Variants in FAT4 observed in about 807,000 individuals in gnomAD.
FAT4 encodes FAT atypical cadherin 4.
Under a neutral mutation model 303.9 loss-of-function variants are expected in FAT4, and 84 were observed. The ratio of observed to expected loss-of-function variants is 0.28; its 90% CI spans 0.23 to 0.33. The LOEUF is 0.33. Among genes scored for constraint, FAT4 ranks in the 10% least tolerant of loss-of-function variants. The probability of loss-of-function intolerance (pLI) is 1.00; values close to 1 mark genes in which losing one functional copy is unlikely to be tolerated. For synonymous variants in FAT4, 2,307 were observed against 2,298.8 expected, an observed-to-expected ratio of 1.00 and a Z score of -0.10; for missense variants, 6,005 against 6,146.8, an observed-to-expected ratio of 0.98 and a Z score of 0.77.
At chr4:125,334,192 C>T (rs1731487154) in intron 2 of FAT4, among the ~76,000 whole-genome samples, 1 of 152,068 alleles carries the variant, frequency 6.6e-6, no homozygotes, top group South Asian at 2.1e-4. Context: ...ATGATCTTCA[C>T]ATCTCCATCA....
intron 3 of FAT4, 110 bp downstream of exon 3, chr4:125,399,025 G>A: frequency 1.1e-6 from 1 of 923,454 alleles, no homozygotes; most frequent in African/African-American, 1.7e-5. Flanking sequence ...TTAAGCATGT[G>A]TGCTCCTTTC....
In FAT4 at chr4:125,427,507, G is replaced by A. The variant is rs150575180; in HGVS notation, c.7019-6738G>A. 6.4e-4 allele frequency among the ~76,000 whole-genome samples: 97 copies of A among 152,010 alleles called. 1 individual carries two copies. The East Asian group carries it at 0.015, about 24-fold the overall frequency. ...CAGCAATACATTATTTTATAAAACA[G>A]AATTTTTAAAATACAGAAGTGTTGT... is the stretch of plus-strand genomic sequence containing the variant. On this transcript the variant is annotated intron_variant, in intron 7 of 17. Transcript: ENST00000394329.
chr4:125,470,762 CT>C (rs1460845702), intron 12 of FAT4, among the ~76,000 whole-genome samples: 2 of 152,186 alleles, frequency 1.3e-5, no homozygotes, highest in African/African-American at 4.8e-5. Context: ...ACTGCTAAAA[CT>C]TTCTCCATAT....
intron 9 of FAT4, among the ~76,000 whole-genome samples, chr4:125,447,594 G>A (rs1448705443): frequency 6.6e-6 from 1 of 152,056 alleles, no homozygotes; most frequent in African/African-American, 2.4e-5. Context: ...TTCCTCATTG[G>A]ACTTATAACC....
rs752311257 is a variant in FAT4 at position 125,491,582 on chromosome 4, G to T, written c.14766G>T (p.Lys4922Asn). ...CTGCTGACAACACACTGCCCATGAA[G>T]CTAGGGCAGCAAGCAGGGACTTTCA... is the stretch of plus-strand genomic sequence containing the variant. The part of the protein sequence containing the change: ...PGTADNTLPM[K>N]LGQQAGTFNW... The change falls in exon 18 of 18, where the codon AAG becomes AAT. Residue 4922 changes from lysine (K) to asparagine (N), a missense_variant. Physicochemically the swap from Lys to Asn is moderately conservative, Grantham distance 94. Coordinates refer to ENST00000394329, the MANE Select transcript of FAT4 (RefSeq NM_001291303.3). 136 of 1,614,064 alleles carry T rather than the reference G, an allele frequency of 8.4e-5. 1 individual carries two copies. Among genetic ancestry groups the T allele is most frequent in the Non-Finnish European group, 5.5e-5 (65 of 1,180,042 alleles).
At chr4:125,475,740 A>G (rs1727005307) in intron 12 of FAT4, among the ~76,000 whole-genome samples, 1 of 152,156 alleles carries the variant, frequency 6.6e-6, no homozygotes, top group African/African-American at 2.4e-5. Flanking sequence ...GGCTGAAATC[A>G]TATTAGAATA....
intron 10 of FAT4, among the ~76,000 whole-genome samples, chr4:125,458,220 A>G (rs779499483): frequency 5.3e-5 from 8 of 152,006 alleles, no homozygotes; most frequent in Non-Finnish European, 1.0e-4. Context: ...TTAAGTCCCG[A>G]TATTTCAGGA....
At chr4:125,391,391 C>T (rs1399086973) in intron 2 of FAT4, among the ~76,000 whole-genome samples, 1 of 152,072 alleles carries the variant, frequency 6.6e-6, no homozygotes, top group Non-Finnish European at 1.5e-5. Context: ...AGCTGGAAGC[C>T]GTCATCCTCA....
At chr4:125,356,439 T>G in intron 2 of FAT4, among the ~76,000 whole-genome samples, 1 of 151,988 alleles carries the variant, frequency 6.6e-6, no homozygotes, top group East Asian at 1.9e-4. Flanking sequence ...TTTGAAGTTT[T>G]ATTTATTTGA....
rs1730559784 is a variant in FAT4 at position 125,315,864 on chromosome 4, T to C, written c.-126T>C. Among the ~76,000 whole-genome samples, 1 of 152,142 alleles carries C rather than the reference T, an allele frequency of 6.6e-6. No individual in the cohort carries two copies. The highest frequency in any genetic ancestry group is 6.5e-5 in the Admixed American group (1 of 15,280). On this transcript the variant is annotated 5_prime_UTR_variant, in exon 1 of 18. Transcript: ENST00000394329. ...AGGAGTGGGGACTCCAGGAATTCCATCGCCTCCAGCTTTTGGGAAAGAAAT... is the reference window on the plus strand; with the variant it reads ...AGGAGTGGGGACTCCAGGAATTCCACCGCCTCCAGCTTTTGGGAAAGAAAT...
chr4:125,338,036 C>A (rs2175079), intron 2 of FAT4, among the ~76,000 whole-genome samples: 23,455 of 152,084 alleles, frequency 0.15, 3,051 homozygotes, highest in African/African-American at 0.34. Context: ...TGCATAGATG[C>A]TGGTTTTGTC....
rs574436492 is a variant in FAT4 at position 125,334,931 on chromosome 4, T to G, written c.5175+13345T>G. Among the ~76,000 whole-genome samples the G allele has an allele frequency of 1.1e-3, 163 of 152,304 alleles. 1 individual carries two copies. Among genetic ancestry groups the G allele is most frequent in the Non-Finnish European group, 2.1e-3 (141 of 68,022 alleles). On this transcript the variant is annotated intron_variant, in intron 2 of 17. Coordinates refer to ENST00000394329, the MANE Select transcript of FAT4 (RefSeq NM_001291303.3). The stretch of plus-strand genomic sequence containing the variant: ...CCTGTGTTGCAACGCCAGCTTAATA[T>G]TTTATTACTTCACATAATAAAATAG...
chr4:125,446,328 T>C lies in FAT4; in HGVS notation c.7235T>C (p.Ile2412Thr). ...RIIGGNSQFT[I>T]NPSTGQIITS... The stretch of plus-strand genomic sequence containing the variant: ...ATCGGTGGAAACTCTCAGTTCACGA[T>C]CAACCCATCGACAGGACAAATCATC... The change falls in exon 9 of 18, where the codon ATC (isoleucine) becomes ACC (threonine). Residue 2412 changes from isoleucine to threonine, a missense_variant. Transcript: ENST00000394329. The C allele has an allele frequency of 6.2e-7, 1 of 1,613,208 alleles. No individual in the cohort carries two copies. The highest frequency in any genetic ancestry group is 2.2e-5 in the East Asian group (1 of 44,872).
Position 125,317,156 on chromosome 4 carries a change from GT to G in FAT4, c.750del (p.Phe250LeufsTer91). 1 of 1,608,292 alleles carries G rather than the reference GT, an allele frequency of 6.2e-7. No homozygotes were observed. On this transcript the variant is annotated frameshift_variant, in exon 2 of 18. Coordinates refer to ENST00000394329, the MANE Select transcript of FAT4 (RefSeq NM_001291303.3). LOFTEE classifies it high-confidence loss of function. The surrounding 1 kb of genome is among the most constrained non-coding windows in gnomAD (Gnocchi z 7.0). ...TVQDINDNPP[V>X]FGSSHYQAGV... ...GCAAGACATTAATGACAACCCCCCG[GT>G]TTTTGGCAGTTCTCACTACCAGGCG...
rs1015313759 is a variant in FAT4 at position 125,492,915 on chromosome 4, A to C, written c.*1147A>C. 6 of 152,466 alleles carry C rather than the reference A, an allele frequency of 3.9e-5. No individual in the cohort carries two copies. The highest frequency in any genetic ancestry group is 1.2e-4 in the African/African-American group (5 of 41,452). 9.4% of individuals were successfully genotyped at this position (152,466 alleles called of 1,614,324 possible). ...CTTGTAAATGTCAACAATAGAATTA[A>C]AATATTTATTTAAAATATTTTGTAT... On this transcript the variant is annotated 3_prime_UTR_variant, in exon 18 of 18. Transcript: ENST00000394329.
At chr4:125,421,701 TA>T (rs1560812785) in intron 7 of FAT4, among the ~76,000 whole-genome samples, 1 of 152,122 alleles carries the variant, frequency 6.6e-6, no homozygotes, top group African/African-American at 2.4e-5. Context: ...AATCTGACAT[TA>T]AGTGATGGTT....
chr4:125,373,468 T>C (rs1056265863), intron 2 of FAT4, among the ~76,000 whole-genome samples: 1 of 152,218 alleles, frequency 6.6e-6, no homozygotes, highest in African/African-American at 2.4e-5. Context: ...AGGTGCCTAA[T>C]AAATGCTCCT....
chr4:125,440,610 T>TGTGTGAGAGAGAGAGAGAGAGAGAGA (rs372756130), intron 8 of FAT4, among the ~76,000 whole-genome samples: 12 of 75,724 alleles, frequency 1.6e-4, no homozygotes, highest in African/African-American at 4.6e-4. Flanking sequence ...TGTGTGTGTG[T>TGTGTGAGAGAGAGAGAGAGAGAGAGA]GAGAGAGAGA....
chr4:125,490,007 G>C lies in FAT4; in HGVS notation c.13191G>C (p.Lys4397Asn). 6.2e-7 allele frequency: 1 copy of C among 1,614,082 alleles called. No homozygotes were observed. Among genetic ancestry groups the C allele is most frequent in the Non-Finnish European group, 8.5e-7 (1 of 1,180,012 alleles). Reference protein sequence around the residue: ...ASISKTDPSVKIGCRGPNICA... With the variant: ...ASISKTDPSVNIGCRGPNICA... The stretch of plus-strand genomic sequence containing the variant: ...TCTCAAAAACAGATCCCTCAGTGAA[G>C]ATTGGCTGCCGTGGCCCGAACATTT... Residue 4397 changes from lysine to asparagine, a missense_variant, in exon 18 of 18, where the codon AAG (lysine) becomes AAC (asparagine). By Grantham distance (94) the Lys-to-Asn change is moderately conservative. Transcript: ENST00000394329.
Sources: gnomAD v4.1 joint callset for allele counts (sites outside exome capture counted in the v4.1 genomes callset) on GRCh38, gnomAD v4.1.1 for gene constraint, Gnocchi (gnomAD v3.1) non-coding constraint, MANE v1.5 for transcripts, NCBI Gene and HGNC (gene_info 2026-07-23, HGNC 2026-07-21) for gene names.